Variants in BNC2 observed in about 807,000 individuals in gnomAD.
BNC2 encodes zinc finger protein basonuclin-2.
BNC2 carries 20 observed loss-of-function variants against 76.3 expected under a neutral mutation model. That is an observed-to-expected ratio of 0.26 (90% CI 0.18 to 0.38). BNC2 has a LOEUF of 0.38. BNC2 is among the 10% of genes least tolerant of loss of function. BNC2 has a pLI of 1.00. For missense variants in BNC2, 1,382 were observed against 1,399.8 expected (o/e 0.99, Z 0.20); for synonymous variants, 582 against 514.8 (o/e 1.13, Z -1.77).
intron 1 of BNC2, among the ~76,000 whole-genome samples, chr9:16,860,813 C>T (rs1435296688): frequency 6.6e-6 from 1 of 152,120 alleles, no homozygotes; most frequent in Non-Finnish European, 1.5e-5. Flanking sequence ...GAGGCCAAGA[C>T]CAGCAGATCA....
chr9:16,605,581 C>T (rs574081992), intron 3 of BNC2, among the ~76,000 whole-genome samples: 1 of 152,316 alleles, frequency 6.6e-6, no homozygotes, highest in African/African-American at 2.4e-5. Context: ...CTACATAAAA[C>T]TGTTTTCCAC....
intron 3 of BNC2, among the ~76,000 whole-genome samples, chr9:16,723,734 G>A (rs1258031546): frequency 6.6e-6 from 1 of 151,956 alleles, no homozygotes; most frequent in Non-Finnish European, 1.5e-5. Flanking sequence ...TCATATCTCT[G>A]GTGAGCAGAC....
chr9:16,507,213 T>A (rs1483948176), intron 5 of BNC2, among the ~76,000 whole-genome samples: 1 of 152,064 alleles, frequency 6.6e-6, no homozygotes, highest in Non-Finnish European at 1.5e-5. Context: ...TCTTTCTCCC[T>A]TGTCTACAAG....
intron 5 of BNC2, among the ~76,000 whole-genome samples, chr9:16,547,028 C>A (rs1158225487): frequency 6.6e-6 from 1 of 152,184 alleles, no homozygotes; most frequent in Non-Finnish European, 1.5e-5. Flanking sequence ...TACAGTGTAT[C>A]AACTGTGCCA....
At chr9:16,759,984 A>T (rs887802738) in intron 1 of BNC2, among the ~76,000 whole-genome samples, 1 of 152,138 alleles carries the variant, frequency 6.6e-6, no homozygotes, top group Non-Finnish European at 1.5e-5. Flanking sequence ...CGGCCTCCCA[A>T]AGTGCTGGGA....
chr9:16,613,636 G>C (rs191821055), intron 3 of BNC2, among the ~76,000 whole-genome samples: 27 of 152,318 alleles, frequency 1.8e-4, no homozygotes, highest in African/African-American at 6.3e-4. Context: ...TTTCCTGAGT[G>C]ACAACAGGTA....
chr9:16,458,686 G>A (rs139087651), intron 5 of BNC2, among the ~76,000 whole-genome samples: 127 of 152,308 alleles, frequency 8.3e-4, no homozygotes, highest in Non-Finnish European at 1.3e-3. Flanking sequence ...CTTAACTAAT[G>A]GGCTATCATA....
intron 3 of BNC2, among the ~76,000 whole-genome samples, chr9:16,706,036 T>C (rs1012189122): frequency 2.6e-5 from 4 of 152,244 alleles, no homozygotes; most frequent in African/African-American, 7.2e-5. Context: ...GCAACTATTT[T>C]AAAAAGTATG....
intron 1 of BNC2, among the ~76,000 whole-genome samples, chr9:16,843,970 T>A (rs1015085830): frequency 1.3e-5 from 2 of 152,148 alleles, no homozygotes; most frequent in East Asian, 3.8e-4. Context: ...AGGTTTTTTG[T>A]TGTTGTTGTT....
chr9:16,687,585 A>G (rs1424641423), intron 3 of BNC2, among the ~76,000 whole-genome samples: 1 of 152,134 alleles, frequency 6.6e-6, no homozygotes, highest in Non-Finnish European at 1.5e-5. Context: ...GAATATTCCA[A>G]ATCAAAATGA....
chr9:16,504,377 A>G (rs962832490), intron 5 of BNC2, among the ~76,000 whole-genome samples: 2 of 151,938 alleles, frequency 1.3e-5, no homozygotes, highest in Non-Finnish European at 2.9e-5. Flanking sequence ...ATTCTGAAAT[A>G]ATTGTCTTCC....
intron 5 of BNC2, among the ~76,000 whole-genome samples, chr9:16,536,183 C>CT (rs1267245520): frequency 6.6e-6 from 1 of 152,142 alleles, no homozygotes; most frequent in African/African-American, 2.4e-5. Context: ...AAATGAAACT[C>CT]TTTAAACTAA....
intron 5 of BNC2, among the ~76,000 whole-genome samples, chr9:16,491,722 TA>T (rs1004642424): frequency 7.9e-5 from 12 of 152,180 alleles, no homozygotes; most frequent in Non-Finnish European, 4.4e-5. Flanking sequence ...ACTCGCTCAT[TA>T]GGGGTGGATT....
At chr9:16,699,502 CACAAGTA>C (rs1404027275) in intron 3 of BNC2, among the ~76,000 whole-genome samples, 6 of 152,172 alleles carry the variant, frequency 3.9e-5, no homozygotes, top group African/African-American at 1.4e-4. Flanking sequence ...GCAAGAGTGA[CACAAGTA>C]TTTTTTAAAC....
At position 16,835,579 on chromosome 9, in the gene BNC2, T is replaced by TA. The variant is rs202124225; in HGVS notation, c.3+35066dup. ...AGCCAGGCATGGTGGCACATGCCTT[T>TA]AGTCCCAGCTACTTGGGAGACTGAG... On this transcript the variant is annotated intron_variant, in intron 1 of 6. Transcript: ENST00000380672. 5.2e-3 allele frequency among the ~76,000 whole-genome samples: 789 copies of TA among 152,310 alleles called. 5 individuals are homozygous for TA. Among genetic ancestry groups the TA allele is most frequent in the African/African-American group, 0.017 (706 of 41,566 alleles).
At chr9:16,776,746 G>A (rs1485069128) in intron 1 of BNC2, among the ~76,000 whole-genome samples, 1 of 152,032 alleles carries the variant, frequency 6.6e-6, no homozygotes, top group Non-Finnish European at 1.5e-5. Context: ...GTGATATGAT[G>A]GGCAACACGA....
chr9:16,507,443 T>G (rs1171247091), intron 5 of BNC2, among the ~76,000 whole-genome samples: 2 of 152,002 alleles, frequency 1.3e-5, no homozygotes, highest in East Asian at 3.9e-4. Context: ...TCCTTTGGTT[T>G]TTTGAGACGA....
intron 1 of BNC2, among the ~76,000 whole-genome samples, chr9:16,842,985 C>G (rs1818873011): frequency 6.6e-6 from 1 of 152,116 alleles, no homozygotes; most frequent in East Asian, 1.9e-4. Context: ...CTCATAACCT[C>G]AAGTGAAGGC....
chr9:16,625,206 G>A (rs1276365083), intron 3 of BNC2, among the ~76,000 whole-genome samples: 1 of 152,164 alleles, frequency 6.6e-6, no homozygotes, highest in Non-Finnish European at 1.5e-5. Flanking sequence ...AAAATGCTGT[G>A]CTTTCTTTGG....
Sources: allele counts gnomAD v4.1 joint callset (sites outside exome capture counted in the v4.1 genomes callset), GRCh38; gene constraint gnomAD v4.1.1; transcripts MANE v1.5; gene names NCBI Gene and HGNC (gene_info 2026-07-23, HGNC 2026-07-21).